ASS1: variants seen among roughly 807,000 people sequenced by gnomAD.
ASS1 encodes the protein argininosuccinate synthase.
Under a neutral mutation model 60.5 loss-of-function variants are expected in ASS1, and 58 were observed. The ratio of observed to expected loss-of-function variants is 0.96; its 90% CI spans 0.78 to 1.19. The LOEUF (loss-of-function observed/expected upper bound fraction) is 1.19. ASS1 is among the 50% of genes most tolerant of loss of function. The pLI is 0.00. For synonymous variants in ASS1, 200 were observed against 206.9 expected, an observed-to-expected ratio of 0.97 and a Z score of 0.29; for missense variants, 454 against 547.3, an observed-to-expected ratio of 0.83 and a Z score of 1.70.
At position 130,478,360 on chromosome 9, in the gene ASS1, C is replaced by G. The variant is rs1041118588; in HGVS notation, c.689-1356C>G. 6.6e-6 allele frequency among the ~76,000 whole-genome samples: 1 copy of G among 152,084 alleles called. No homozygotes were observed. Among genetic ancestry groups the G allele is most frequent in the Non-Finnish European group, 1.5e-5 (1 of 68,000 alleles). On this transcript the variant is annotated intron_variant, in intron 9 of 14. Coordinates refer to ENST00000352480, the MANE Select transcript of ASS1 (RefSeq NM_054012.4). This position sits in a 1 kb window ranked among gnomAD's most constrained non-coding sequence, Gnocchi z 4.7. The stretch of plus-strand genomic sequence containing the variant: ...CAGGGCTCCCAGGAGCCTGGAGAGC[C>G]GTGAGGGTGGGAGGCGGGTGGCAGG...
intron 10 of ASS1, 50 bp downstream of exon 10, chr9:130,479,850 G>A (rs764300390): frequency 1.8e-5 from 28 of 1,559,112 alleles, no homozygotes; most frequent in Admixed American, 5.0e-5. Flanking sequence ...CGTCTCGGGC[G>A]AGCACGAGCC....
chr9:130,479,389 G>GT (rs1317979724), intron 9 of ASS1, among the ~76,000 whole-genome samples: 3 of 152,176 alleles, frequency 2.0e-5, no homozygotes, highest in Non-Finnish European at 2.9e-5. Flanking sequence ...TGCTCCCGGC[G>GT]TAAGACAATG....
chr9:130,487,031 C>T (rs1173730151), intron 11 of ASS1, among the ~76,000 whole-genome samples: 1 of 152,178 alleles, frequency 6.6e-6, no homozygotes, highest in Non-Finnish European at 1.5e-5. Flanking sequence ...TGGTATTAGG[C>T]AAGCCACCCC....
intron 3 of ASS1, among the ~76,000 whole-genome samples, 177 bp downstream of exon 3, chr9:130,454,550 C>T (rs1432206537): frequency 6.6e-6 from 1 of 152,100 alleles, no homozygotes; most frequent in African/African-American, 2.4e-5. Context: ...CTCCCCCACG[C>T]CCTCTTCCAC....
In ASS1 at chr9:130,481,061, C is replaced by T. The variant is rs973692692; in HGVS notation, c.838+612C>T. Among the ~76,000 whole-genome samples the T allele has an allele frequency of 3.3e-5, 5 of 152,194 alleles. No homozygotes were observed. In the South Asian group the frequency reaches 8.3e-4, roughly 25 times the overall value. ...CCTCTAGCCTGCCTAGCCTCGTATC[C>T]GCCTGTGGCTGGGCCCAGGAGCAGG... On this transcript the variant is annotated intron_variant, in intron 11 of 14. Coordinates refer to ENST00000352480, the MANE Select transcript of ASS1 (RefSeq NM_054012.4).
rs1230364627 is a variant in ASS1 at position 130,478,860 on chromosome 9, C to T, written c.689-856C>T. ...GGCTGACAGCGCCTTGAGTGAAGCC[C>T]CTCCAAGCGGCGCCTGGCTAATAAA... On this transcript the variant is annotated intron_variant, in intron 9 of 14. Transcript: ENST00000352480. This position sits in a 1 kb window ranked among gnomAD's most constrained non-coding sequence, Gnocchi z 4.7. Among the ~76,000 whole-genome samples, 3 of 152,284 alleles carry T rather than the reference C, an allele frequency of 2.0e-5. No individual in the cohort carries two copies. The East Asian group carries it at 5.8e-4, about 29-fold the overall frequency.
rs374255376 is a variant in ASS1 at position 130,489,245 on chromosome 9, AT to A, written c.839-77del. 5,441 of 1,348,556 alleles carry A rather than the reference AT, an allele frequency of 4.0e-3. No individual in the cohort carries two copies. The highest frequency in any genetic ancestry group is 0.011 in the African/African-American group (668 of 63,274). The allele number at this position is 1,348,556 out of a possible 1,614,324, so 83.5% of individuals were successfully genotyped here. On this transcript the variant is annotated intron_variant, in intron 11 of 14. Coordinates refer to ENST00000352480, the MANE Select transcript of ASS1 (RefSeq NM_054012.4). The surrounding 1 kb of genome is among the most constrained non-coding windows in gnomAD (Gnocchi z 4.1). ...TGTCAGACGACTCATTATTATTATT[AT>A]TTTTTTTTTTGTCATTTGCTGACAG... is the stretch of plus-strand genomic sequence containing the variant.
Position 130,494,812 on chromosome 9 carries a change from G to T in ASS1, c.971-55G>T. On this transcript the variant is annotated intron_variant, in intron 12 of 14. Coordinates refer to ENST00000352480, the MANE Select transcript of ASS1 (RefSeq NM_054012.4). This position sits in a 1 kb window ranked among gnomAD's most constrained non-coding sequence, Gnocchi z 4.3. Reference sequence around the variant, plus strand: ...CCCTTCCTGTGCCCCAGGTCTCCCTGTGTCCTCGCGGTGCAGGAGGCCTCC... The same window carrying T: ...CCCTTCCTGTGCCCCAGGTCTCCCTTTGTCCTCGCGGTGCAGGAGGCCTCC... 6.2e-7 allele frequency: 1 copy of T among 1,606,026 alleles called. No individual in the cohort carries two copies. Among genetic ancestry groups the T allele is most frequent in the Non-Finnish European group, 8.5e-7 (1 of 1,173,742 alleles).
At chr9:130,449,623 G>A (rs1845279083) in intron 1 of ASS1, among the ~76,000 whole-genome samples, 1 of 152,096 alleles carries the variant, frequency 6.6e-6, no homozygotes, top group Non-Finnish European at 1.5e-5. Context: ...GGGGGTTAAG[G>A]AGCCGAGCTG....
At chr9:130,495,518 T>C (rs1846576075) in intron 13 of ASS1, among the ~76,000 whole-genome samples, 1 of 140,398 alleles carries the variant, frequency 7.1e-6, no homozygotes, top group Admixed American at 7.1e-5. Flanking sequence ...TATAAAATAA[T>C]TGGGGTTGTG....
chr9:130,449,784 T>G (rs1845282491), intron 1 of ASS1, among the ~76,000 whole-genome samples: 1 of 152,140 alleles, frequency 6.6e-6, no homozygotes, highest in Non-Finnish European at 1.5e-5. Flanking sequence ...ATTCCCTTGA[T>G]TGTGGTGTTG....
intron 12 of ASS1, among the ~76,000 whole-genome samples, chr9:130,490,349 T>C (rs1250385671): frequency 6.6e-6 from 1 of 152,114 alleles, no homozygotes; most frequent in Non-Finnish European, 1.5e-5. Flanking sequence ...CTTTCGCTCT[T>C]GTTGCCCAGG....
chr9:130,468,193 C>T (rs1408687411), intron 6 of ASS1, among the ~76,000 whole-genome samples: 1 of 152,168 alleles, frequency 6.6e-6, no homozygotes. Flanking sequence ...GAGGCCTCCT[C>T]CAAAATTCTG....
chr9:130,466,706 C>A lies in ASS1; in HGVS notation c.421-19C>A. 1 of 1,612,952 alleles carries A rather than the reference C, an allele frequency of 6.2e-7. No individual in the cohort carries two copies. Among genetic ancestry groups the A allele is most frequent in the Non-Finnish European group, 8.5e-7 (1 of 1,179,096 alleles). On this transcript the variant is annotated intron_variant, in intron 5 of 14. Transcript: ENST00000352480. ...CACAGCTCGGCCCTCCCGGCTCTGA[C>A]CCCTTGTCCTATGTCCAGGTCATTG... is the stretch of plus-strand genomic sequence containing the variant.
Position 130,477,410 on chromosome 9 carries a change from A to C in ASS1, c.688+449A>C, listed in dbSNP as rs967992452. Among the ~76,000 whole-genome samples, 24 of 152,044 alleles carry C rather than the reference A, an allele frequency of 1.6e-4. No individual in the cohort carries two copies. Among genetic ancestry groups the C allele is most frequent in the South Asian group, 1.5e-3 (7 of 4,816 alleles). On this transcript the variant is annotated intron_variant, in intron 9 of 14. Transcript: ENST00000352480. This position sits in a 1 kb window ranked among gnomAD's most constrained non-coding sequence, Gnocchi z 4.2. ...GAGTGTTGGCGAGCTGGCCTCATGG[A>C]CCCCTGGGACCCCACATGGAAAGCC... is the stretch of plus-strand genomic sequence containing the variant.
chr9:130,466,524 G>T, intron 5 of ASS1: 2 of 632,442 alleles, frequency 3.2e-6, no homozygotes, highest in South Asian at 1.8e-5. Flanking sequence ...TGCAGGCTCC[G>T]TCCAGCCAGC....
intron 13 of ASS1, among the ~76,000 whole-genome samples, chr9:130,495,787 C>T (rs1004979724): frequency 1.3e-5 from 2 of 151,750 alleles, no homozygotes; most frequent in South Asian, 2.1e-4. Flanking sequence ...TAGCAGCAGG[C>T]GAATGTGACA....
intron 14 of ASS1, 143 bp downstream of exon 14, chr9:130,499,713 C>T: frequency 1.2e-6 from 1 of 813,256 alleles, no homozygotes; most frequent in South Asian, 1.5e-5. Context: ...AGACAAACCC[C>T]ACTTTCCTGT....
In ASS1 at chr9:130,489,355, C is replaced by A; in HGVS notation, c.861C>A (p.Gly287=). The A allele has an allele frequency of 6.2e-7, 1 of 1,613,980 alleles. No individual in the cohort carries two copies. The highest frequency in any genetic ancestry group is 8.5e-7 in the Non-Finnish European group (1 of 1,180,026). The part of the protein sequence containing the change: ...KSRGIYETPA[G]TILYHAHLDI... ...TAGGTATCTACGAGACCCCAGCAGG[C>A]ACCATCCTTTACCATGCTCATTTAG... Residue 287 remains glycine, a synonymous_variant, in exon 12 of 15, where the codon GGC becomes GGA. Transcript: ENST00000352480. This position sits in a 1 kb window ranked among gnomAD's most constrained non-coding sequence, Gnocchi z 4.1.
Sources: gnomAD v4.1 joint callset for allele counts (sites outside exome capture counted in the v4.1 genomes callset) on GRCh38, gnomAD v4.1.1 for gene constraint, Gnocchi (gnomAD v3.1) non-coding constraint, MANE v1.5 for transcripts, NCBI Gene and HGNC (gene_info 2026-07-23, HGNC 2026-07-21) for gene names.